Variants in UNC93A observed in about 807,000 individuals in gnomAD.
UNC93A encodes the protein N-acetylglucosamine transporter UNC93A.
A neutral mutation model predicts 47.5 loss-of-function variants in UNC93A; 43 were observed. The ratio of observed to expected loss-of-function variants is 0.91; its 90% confidence interval spans 0.71 to 1.17. The LOEUF is 1.17. Among genes scored for constraint, UNC93A ranks in the 50% most tolerant of loss-of-function variants. The pLI is 0.00. For synonymous variants in UNC93A, 280 were observed against 258.0 expected (o/e 1.09, Z -0.82); for missense variants, 605 against 577.6 (o/e 1.05, Z -0.49).
rs550786271 is a variant in UNC93A, at chr6:167,281,510, C to T, written c.-51-9929C>T. 4.3e-4 allele frequency among the ~76,000 whole-genome samples: 66 copies of T among 152,274 alleles called. 1 individual carries two copies. Among genetic ancestry groups the T allele is most frequent in the African/African-American group, 1.5e-3 (62 of 41,532 alleles). ...AACACTCACTCCCTGGCCTGCAGGG[C>T]CCCTTGGGAAAGTGAGTTTTAGATG... On this transcript the variant is annotated intron_variant, in intron 1 of 3. Coordinates refer to the UNC93A transcript ENST00000503433.
At position 167,304,114 on chromosome 6, in the gene UNC93A, TC is replaced by T; in HGVS notation, c.822del (p.Ser275ProfsTer21). On this transcript the variant is annotated frameshift_variant, in exon 5 of 8. Coordinates refer to ENST00000230256, the MANE Select transcript of UNC93A (RefSeq NM_018974.4). LOFTEE classifies it high-confidence loss of function. ...TACAGTGGATTGCAGCAAGGATTCC[TC>T]TCCAGCGAATACACAAGGGTATGAA... ...PLYSGLQQGF[L>X]SSEYTRSYVT... 1 of 1,614,198 alleles carries T rather than the reference TC, an allele frequency of 6.2e-7. No individual in the cohort carries two copies. The highest frequency in any genetic ancestry group is 8.5e-7 in the Non-Finnish European group (1 of 1,180,040).
intron 1 of UNC93A, among the ~76,000 whole-genome samples, chr6:167,282,805 G>C (rs1453707464): frequency 6.6e-6 from 1 of 152,196 alleles, no homozygotes; most frequent in Non-Finnish European, 1.5e-5. Flanking sequence ...GAAGACATCA[G>C]TCAATGCATG....
rs1410102488 is a variant in UNC93A at position 167,295,641 on chromosome 6, C to T, written c.270-391C>T. 4.5e-5 allele frequency among the ~76,000 whole-genome samples: 5 copies of T among 110,608 alleles called. 1 individual carries two copies. The highest frequency in any genetic ancestry group is 3.2e-4 in the East Asian group (1 of 3,170). 72.6% of individuals were successfully genotyped at this position (110,608 alleles called of 152,430 possible). ...CCTCCCTCGTGCTCCTCGCCTGCCT[C>T]GTGCTCCTCGCCTCCCTCGTGATCC... On this transcript the variant is annotated intron_variant, in intron 2 of 7. Transcript: ENST00000230256.
rs551615564 is a variant in UNC93A at position 167,278,045 on chromosome 6, G to A, written c.-52+6587G>A. Among the ~76,000 whole-genome samples, 105 of 152,268 alleles carry A rather than the reference G, an allele frequency of 6.9e-4. No individual in the cohort carries two copies. The South Asian group carries it at 8.9e-3, about 13-fold the overall frequency. ...TACCCACCCCAGGGACTTGAAAACC[G>A]GATTTGAAATGCCAAATAGGTTTAA... On this transcript the variant is annotated intron_variant, in intron 1 of 3. Transcript: ENST00000503433.
At chr6:167,288,312 C>T (rs1458480138), upstream of UNC93A, among the ~76,000 whole-genome samples, 1 of 152,192 alleles carries the variant, frequency 6.6e-6, no homozygotes, top group Non-Finnish European at 1.5e-5. Flanking sequence ...AATGCCCGCT[C>T]AGCTCAGGAG....
At chr6:167,295,269 G>A (rs1338799029) in intron 2 of UNC93A, among the ~76,000 whole-genome samples, 2 of 152,226 alleles carry the variant, frequency 1.3e-5, no homozygotes, top group Non-Finnish European at 2.9e-5. Flanking sequence ...AGGACATGCT[G>A]CTGATGATGG....
At chr6:167,312,563 CTTTA>C (rs1348172577) in intron 7 of UNC93A, among the ~76,000 whole-genome samples, 1 of 152,196 alleles carries the variant, frequency 6.6e-6, no homozygotes, top group African/African-American at 2.4e-5. Context: ...CACATTATTT[CTTTA>C]TTAAGGTGGT....
chr6:167,307,473 T>G, intron 6 of UNC93A, among the ~76,000 whole-genome samples: 1 of 151,756 alleles, frequency 6.6e-6, no homozygotes, highest in Non-Finnish European at 1.5e-5. Flanking sequence ...AGAGGACGGT[T>G]GAGATGGTTC....
chr6:167,309,341 G>C (rs2235199), intron 7 of UNC93A, among the ~76,000 whole-genome samples: 1 of 152,012 alleles, frequency 6.6e-6, no homozygotes, highest in Non-Finnish European at 1.5e-5. Flanking sequence ...GAGGGTGTGC[G>C]TACTGGGTGG....
At chr6:167,287,982 G>A (rs1206025973), upstream of UNC93A, among the ~76,000 whole-genome samples, 1 of 152,146 alleles carries the variant, frequency 6.6e-6, no homozygotes, top group Non-Finnish European at 1.5e-5. Context: ...GACCCTGCAG[G>A]CCCTTGACGG....
intron 1 of UNC93A, among the ~76,000 whole-genome samples, chr6:167,293,337 T>C (rs1349640835): frequency 6.6e-6 from 1 of 152,080 alleles, no homozygotes; most frequent in Non-Finnish European, 1.5e-5. Context: ...GACCTCCCTC[T>C]CTGCAGGGCC....
At position 167,298,042 on chromosome 6, in the gene UNC93A, G is replaced by A; in HGVS notation, c.597G>A (p.Leu199=). ...GCACCCAGAGGCCCTCCCAGCAGCT[G>A]GTCTACACCCTCCTGGGCATCTACA... ...TNSTQRPSQQ[L]VYTLLGIYTG... The change falls in exon 4 of 8, where the codon CTG becomes CTA. Residue 199 remains leucine (L), a synonymous_variant. Coordinates refer to ENST00000230256, the MANE Select transcript of UNC93A (RefSeq NM_018974.4). The A allele has an allele frequency of 6.2e-7, 1 of 1,613,234 alleles. No homozygotes were observed. Among genetic ancestry groups the A allele is most frequent in the Non-Finnish European group, 8.5e-7 (1 of 1,179,728 alleles).
At chr6:167,313,612 T>C (rs1018300516) in intron 7 of UNC93A, among the ~76,000 whole-genome samples, 1 of 152,108 alleles carries the variant, frequency 6.6e-6, no homozygotes, top group Non-Finnish European at 1.5e-5. Flanking sequence ...CAGCAACCCA[T>C]ATTCCCAAAA....
upstream of UNC93A, among the ~76,000 whole-genome samples, chr6:167,269,698 C>G (rs1457966464): frequency 6.6e-6 from 1 of 152,130 alleles, no homozygotes; most frequent in Non-Finnish European, 1.5e-5. Context: ...GCTCCGCCTC[C>G]TGGGTTCACA....
chr6:167,280,282 G>A (rs1462381830), intron 1 of UNC93A, among the ~76,000 whole-genome samples: 1 of 152,174 alleles, frequency 6.6e-6, no homozygotes, highest in Non-Finnish European at 1.5e-5. Context: ...CAAATCCTTT[G>A]TAGAGGCTGG....
chr6:167,314,889 T>C (rs907486852), intron 7 of UNC93A, among the ~76,000 whole-genome samples: 2 of 152,134 alleles, frequency 1.3e-5, no homozygotes, highest in East Asian at 1.9e-4. Flanking sequence ...CCCTAGAGTG[T>C]ATAAATCTAC....
upstream of UNC93A, among the ~76,000 whole-genome samples, chr6:167,290,584 T>C (rs1424303685): frequency 6.6e-6 from 1 of 152,228 alleles, no homozygotes; most frequent in Non-Finnish European, 1.5e-5. Context: ...CTAATACAGT[T>C]GTCTCTAGCC....
At chr6:167,269,302 T>A (rs1783416231), upstream of UNC93A, among the ~76,000 whole-genome samples, 1 of 152,186 alleles carries the variant, frequency 6.6e-6, no homozygotes. Flanking sequence ...GATCAGGAGC[T>A]GTAGTGGATA....
intron 7 of UNC93A, among the ~76,000 whole-genome samples, chr6:167,310,491 A>T (rs1369856152): frequency 6.6e-6 from 1 of 152,288 alleles, no homozygotes; most frequent in Non-Finnish European, 1.5e-5. Flanking sequence ...AAGTCCGGTG[A>T]ATGACTGGAA....
Sources: gnomAD v4.1 joint callset for allele counts (sites outside exome capture counted in the v4.1 genomes callset) on GRCh38, gnomAD v4.1.1 for gene constraint, MANE v1.5 for transcripts, NCBI Gene and HGNC (gene_info 2026-07-23, HGNC 2026-07-21) for gene names.